Variants in PPIG observed in about 807,000 individuals in gnomAD.
PPIG encodes the protein peptidyl-prolyl cis-trans isomerase G.
A neutral mutation model predicts 87.9 loss-of-function variants in PPIG; 26 were observed. The observed-to-expected ratio is 0.30, with a 90% CI of 0.22 to 0.41. PPIG has a LOEUF of 0.41. PPIG is among the 10% of genes least tolerant of loss of function. The probability of loss-of-function intolerance (pLI) is 1.00; values close to 1 mark genes in which losing one functional copy is unlikely to be tolerated. For synonymous variants in PPIG, 308 were observed against 276.5 expected, an observed-to-expected ratio of 1.11 and a Z score of -1.13; for missense variants, 722 against 879.4, an observed-to-expected ratio of 0.82 and a Z score of 2.26.
intron 1 of PPIG, among the ~76,000 whole-genome samples, chr2:169,593,924 C>T (rs569604084): frequency 2.2e-4 from 33 of 150,828 alleles, no homozygotes; most frequent in Middle Eastern, 3.4e-3. Flanking sequence ...CAAAGTGCTG[C>T]GATTACAGGT....
At chr2:169,618,521 C>T (rs1434711103) in intron 9 of PPIG, among the ~76,000 whole-genome samples, 1 of 152,168 alleles carries the variant, frequency 6.6e-6, no homozygotes, top group Non-Finnish European at 1.5e-5. Context: ...ATTACTGCCT[C>T]AATTTCAGCA....
rs1309282238 is a variant in PPIG at position 169,638,574 on chromosome 2, C to CTA, written c.*1057_*1058dup. On this transcript the variant is annotated 3_prime_UTR_variant, in exon 14 of 14. Coordinates refer to ENST00000260970, the MANE Select transcript of PPIG (RefSeq NM_004792.3). ...CAAATGGCAAGAAAATGCATCTTTT[C>CTA]TATATATGTATCACGATAGGCTATA... The CTA allele has an allele frequency of 1.3e-5, 2 of 151,950 alleles. No homozygotes were observed. Among genetic ancestry groups the CTA allele is most frequent in the African/African-American group, 4.8e-5 (2 of 41,410 alleles). 9.4% of individuals were successfully genotyped at this position (151,950 alleles called of 1,614,324 possible).
At chr2:169,612,252 A>G (rs1019552185) in intron 7 of PPIG, among the ~76,000 whole-genome samples, 9 of 152,024 alleles carry the variant, frequency 5.9e-5, no homozygotes, top group African/African-American at 2.2e-4. Flanking sequence ...GGTAACCTCT[A>G]TGAATTTGCC....
intron 7 of PPIG, among the ~76,000 whole-genome samples, chr2:169,612,795 C>T (rs992697766): frequency 7.2e-5 from 11 of 152,104 alleles, no homozygotes; most frequent in African/African-American, 2.7e-4. Context: ...ATTGTGAATA[C>T]TGCTGCAGTG....
At position 169,640,481 on chromosome 2, in the gene PPIG, A is replaced by G. The variant is rs901920793; in HGVS notation, c.*2958A>G. ...ATTGTACTTCATTCCAGTTGGTAATATAGTTTTCATCACACTAAACTTTTT... is the reference window on the plus strand; with the variant it reads ...ATTGTACTTCATTCCAGTTGGTAATGTAGTTTTCATCACACTAAACTTTTT... On this transcript the variant is annotated 3_prime_UTR_variant, in exon 14 of 14. Transcript: ENST00000260970. The G allele has an allele frequency of 6.6e-6, 1 of 152,168 alleles. No homozygotes were observed. The highest frequency in any genetic ancestry group is 2.4e-5 in the African/African-American group (1 of 41,428). 9.4% of individuals were successfully genotyped at this position (152,168 alleles called of 1,614,324 possible).
At position 169,636,951 on chromosome 2, in the gene PPIG, C is replaced by CGAAGCAGAAGTAGGGACA. The variant is rs1574467980; in HGVS notation, c.1704_1721dup (p.Ser568_Arg573dup). 6.2e-7 allele frequency: 1 copy of CGAAGCAGAAGTAGGGACA among 1,613,716 alleles called. No individual in the cohort carries two copies. Among genetic ancestry groups the CGAAGCAGAAGTAGGGACA allele is most frequent in the Non-Finnish European group, 8.5e-7 (1 of 1,179,910 alleles). On this transcript the variant is annotated inframe_insertion, in exon 14 of 14. Transcript: ENST00000260970. ...CAGTTATAATAGCAGAACAAGAGAA[C>CGAAGCAGAAGTAGGGACA]GAAGCAGAAGTAGGGACAGAAGCAG...
chr2:169,608,891 G>T (rs1685409079), intron 7 of PPIG, 133 bp downstream of exon 7: 1 of 491,312 alleles, frequency 2.0e-6, no homozygotes, highest in Non-Finnish European at 3.8e-6. Context: ...GACCATCCTG[G>T]CTAACACGGT....
intron 1 of PPIG, among the ~76,000 whole-genome samples, chr2:169,595,984 A>T (rs1685005485): frequency 6.6e-6 from 1 of 150,708 alleles, no homozygotes; most frequent in South Asian, 2.1e-4. Flanking sequence ...TTGTATTTTT[A>T]GTAGAGATGG....
chr2:169,593,964 A>G (rs1467068550), intron 1 of PPIG, among the ~76,000 whole-genome samples: 1 of 151,826 alleles, frequency 6.6e-6, no homozygotes, highest in African/African-American at 2.4e-5. Context: ...CCACTGTTTT[A>G]TATCTTGATT....
intron 1 of PPIG, among the ~76,000 whole-genome samples, chr2:169,585,852 G>A (rs1684689311): frequency 6.6e-6 from 1 of 152,120 alleles, no homozygotes; most frequent in South Asian, 2.1e-4. Context: ...GTGAGTGTGT[G>A]TGTGTGTCGG....
At chr2:169,585,927 T>A (rs923599053) in intron 1 of PPIG, among the ~76,000 whole-genome samples, 1 of 152,044 alleles carries the variant, frequency 6.6e-6, no homozygotes, top group African/African-American at 2.4e-5. Flanking sequence ...AATTGCTACT[T>A]TGTAACAATG....
rs756004648 is a variant in PPIG at position 169,604,025 on chromosome 2, G to A, written c.-16-1G>A. 3.1e-6 allele frequency: 5 copies of A among 1,611,650 alleles called. No individual in the cohort carries two copies. Among genetic ancestry groups the A allele is most frequent in the East Asian group, 4.5e-5 (2 of 44,832 alleles). On this transcript the variant is annotated splice_acceptor_variant, in intron 2 of 13. Transcript: ENST00000260970. LOFTEE classifies it low-confidence loss of function (5UTR_SPLICE). ...TGTCTGAAACTGTATTTTACTCACA[G>A]ATTAAGTATTGGAGCCATGGGAATA...
chr2:169,594,259 A>G (rs1041039571), intron 1 of PPIG, among the ~76,000 whole-genome samples: 8 of 149,850 alleles, frequency 5.3e-5, no homozygotes, highest in African/African-American at 2.0e-4. Context: ...AGTAGTATAA[A>G]TTCCTGTTTC....
intron 1 of PPIG, among the ~76,000 whole-genome samples, chr2:169,597,206 T>C (rs1350001542): frequency 2.0e-5 from 3 of 152,152 alleles, no homozygotes. Context: ...AAATTGAAAA[T>C]ATGAGGTTAT....
At chr2:169,609,081 CAA>C (rs577846491) in intron 7 of PPIG, among the ~76,000 whole-genome samples, 190 of 105,790 alleles carry the variant, frequency 1.8e-3, no homozygotes, top group Middle Eastern at 4.8e-3. Context: ...AAGACTGTCT[CAA>C]AAAAAAAAAA....
At chr2:169,587,532 G>T (rs1479525550) in intron 1 of PPIG, among the ~76,000 whole-genome samples, 1 of 152,100 alleles carries the variant, frequency 6.6e-6, no homozygotes, top group Admixed American at 6.5e-5. Context: ...GAGCCACCGT[G>T]CCCAGACCTT....
rs1344192701 is a variant in PPIG at position 169,638,512 on chromosome 2, T to A, written c.*989T>A. The A allele has an allele frequency of 1.3e-5, 2 of 152,008 alleles. No individual in the cohort carries two copies. The highest frequency in any genetic ancestry group is 3.8e-4 in the East Asian group (2 of 5,202). 9.4% of individuals were successfully genotyped at this position (152,008 alleles called of 1,614,324 possible). The stretch of plus-strand genomic sequence containing the variant: ...TCTGCATGGATTTTGTTTGTTTTAA[T>A]TGAACTGACTTCTCTAACTCTCATA... On this transcript the variant is annotated 3_prime_UTR_variant, in exon 14 of 14. Transcript: ENST00000260970.
intron 4 of PPIG, among the ~76,000 whole-genome samples, chr2:169,604,643 A>AG (rs1031180449): frequency 6.6e-6 from 1 of 151,416 alleles, no homozygotes; most frequent in Non-Finnish European, 1.5e-5. Context: ...TGGGAGGCCG[A>AG]GGGGGGTGGC....
chr2:169,640,380 G>A lies in PPIG; in HGVS notation c.*2857G>A, dbSNP rs1319065016. Reference sequence around the variant, plus strand: ...ACATATTGGATCTCTGGTATTTTGGGTAGTGGTATTAACTTGACAATTCTA... The same window carrying A: ...ACATATTGGATCTCTGGTATTTTGGATAGTGGTATTAACTTGACAATTCTA... On this transcript the variant is annotated 3_prime_UTR_variant, in exon 14 of 14. Transcript: ENST00000260970. 6.6e-6 allele frequency: 1 copy of A among 152,150 alleles called. No individual in the cohort carries two copies. Among genetic ancestry groups the A allele is most frequent in the Non-Finnish European group, 1.5e-5 (1 of 68,022 alleles). 9.4% of individuals were successfully genotyped at this position (152,150 alleles called of 1,614,324 possible). A position where few individuals can be genotyped will look rare whatever the true frequency, so the allele number is the denominator to read the frequency against.
Sources: allele counts gnomAD v4.1 joint callset (sites outside exome capture counted in the v4.1 genomes callset), GRCh38; gene constraint gnomAD v4.1.1; transcripts MANE v1.5; gene names NCBI Gene and HGNC (gene_info 2026-07-23, HGNC 2026-07-21).